CASP4: variants seen among roughly 807,000 people sequenced by gnomAD.
CASP4 encodes caspase 4.
CASP4 carries 29 observed loss-of-function variants against 41.3 expected under a neutral mutation model. The ratio of observed to expected loss-of-function variants is 0.70; its 90% CI spans 0.52 to 0.96. CASP4 has a LOEUF of 0.96. CASP4 is among the 40% of genes least tolerant of loss of function. The probability of loss-of-function intolerance (pLI) is 0.00; values close to 1 mark genes in which losing one functional copy is unlikely to be tolerated. For synonymous variants in CASP4, 185 were observed against 158.4 expected, an observed-to-expected ratio of 1.17 and a Z score of -1.26; for missense variants, 447 against 460.6, an observed-to-expected ratio of 0.97 and a Z score of 0.27.
At position 104,951,996 on chromosome 11, in the gene CASP4, T is replaced by C; in HGVS notation, c.272A>G (p.Asn91Ser). 1.2e-6 allele frequency: 2 copies of C among 1,605,558 alleles called. No homozygotes were observed. The highest frequency in any genetic ancestry group is 1.7e-6 in the Non-Finnish European group (2 of 1,172,998). The stretch of plus-strand genomic sequence containing the variant: ...TGACTCAGGTGGTCCAGCCTCCATA[T>C]TCGGATGAGCTGCAGGATATTGCAG... ...QISPNKKAHP[N>S]MEAGPPESGE... The change falls in exon 3 of 9, where the codon AAT becomes AGT. Residue 91 changes from asparagine (N) to serine (S), a missense_variant. Asn to Ser is a conservative substitution (Grantham distance 46). Transcript: ENST00000444739.
chr11:104,968,025 AAGT>A (rs1176115143), intron 1 of CASP4, among the ~76,000 whole-genome samples: 2 of 152,174 alleles, frequency 1.3e-5, no homozygotes, highest in Non-Finnish European at 2.9e-5. Context: ...TATTATATTA[AAGT>A]AGTCAGTATC....
chr11:104,955,038 C>T, intron 1 of CASP4, 37 bp from the exon 2 acceptor site: 1 of 1,596,190 alleles, frequency 6.3e-7, no homozygotes, highest in Non-Finnish European at 8.5e-7. Context: ...ACTATGGGCA[C>T]AGCTTAAAGA....
At chr11:104,965,128 T>G (rs149570612) in intron 1 of CASP4, among the ~76,000 whole-genome samples, 1,627 of 152,358 alleles carry the variant, frequency 0.011, 10 homozygotes, top group Non-Finnish European at 0.017. Context: ...TCCTAAATTC[T>G]TTGTGGATTA....
chr11:104,950,869 A>ATTAGAAGG, intron 4 of CASP4, 56 bp downstream of exon 4: 1 of 1,535,504 alleles, frequency 6.5e-7, no homozygotes, highest in Non-Finnish European at 8.9e-7. Flanking sequence ...CTAGGTAGTT[A>ATTAGAAGG]TTAGAAGGAT....
At chr11:104,953,094 T>A (rs1032419006) in intron 2 of CASP4, among the ~76,000 whole-genome samples, 1 of 152,150 alleles carries the variant, frequency 6.6e-6, no homozygotes, top group Non-Finnish European at 1.5e-5. Context: ...AGAAATTAGA[T>A]AGAATTTCTA....
chr11:104,954,451 A>C (rs1380158829), intron 2 of CASP4, among the ~76,000 whole-genome samples: 2 of 152,192 alleles, frequency 1.3e-5, no homozygotes, highest in Non-Finnish European at 2.9e-5. Flanking sequence ...AGGATGTCAC[A>C]TAGGTCACAG....
chr11:104,956,488 A>G (rs1484054848), intron 1 of CASP4: 1 of 176,000 alleles, frequency 5.7e-6, no homozygotes, highest in Non-Finnish European at 1.1e-5. Context: ...TAAGTAATTG[A>G]CTCAAATAAT....
rs1298750617 is a variant in CASP4, at chr11:104,948,547, C to A, written c.911G>T (p.Cys304Phe). The part of the protein sequence containing the change: ...THVEKDFIAF[C>F]SSTPHNVSWR... ...AAGATACATACGTGGCGTTGAAGAG[C>A]AGAAAGCAATGAAGTCCTTCTCCAC... Residue 304 changes from cysteine to phenylalanine, a missense_variant, in exon 6 of 9, where the codon TGC becomes TTC. Cys to Phe is a radical substitution (Grantham distance 205, BLOSUM62 -2). Transcript: ENST00000444739. The A allele has an allele frequency of 1.2e-6, 2 of 1,606,340 alleles. No homozygotes were observed. Among genetic ancestry groups the A allele is most frequent in the Admixed American group, 3.4e-5 (2 of 59,680 alleles).
chr11:104,944,605 A>G (rs1860407629), intron 8 of CASP4, 143 bp downstream of exon 8: 1 of 579,768 alleles, frequency 1.7e-6, no homozygotes, highest in Admixed American at 3.1e-5. Context: ...GTCGGAAAGA[A>G]GTAGCAGATA....
At position 104,944,621 on chromosome 11, in the gene CASP4, C is replaced by T. The variant is rs149994015; in HGVS notation, c.*5+127G>A. 2.7e-5 allele frequency: 17 copies of T among 619,134 alleles called. No individual in the cohort carries two copies. In the East Asian group the frequency reaches 4.7e-4, roughly 17 times the overall value. The allele number at this position is 619,134 out of a possible 1,614,324, so 38.4% of individuals were successfully genotyped here. On this transcript the variant is annotated intron_variant, in intron 8 of 8. Coordinates refer to ENST00000444739, the MANE Select transcript of CASP4 (RefSeq NM_001225.4). ...TCGGAAAGAAGTAGCAGATAATCAC[C>T]AGACTATATCAACAAAAACACCAAT...
chr11:104,951,802 A>T, intron 3 of CASP4, 94 bp downstream of exon 3: 1 of 818,030 alleles, frequency 1.2e-6, no homozygotes, highest in African/African-American at 1.7e-5. Flanking sequence ...TGTCATCCCC[A>T]CCCCCAATCA....
rs1860606580 is a variant in CASP4, at chr11:104,951,281, T to G, written c.373-183A>C. The G allele has an allele frequency of 1.3e-5, 6 of 472,664 alleles. No individual in the cohort carries two copies. The East Asian group carries it at 2.0e-4, about 16-fold the overall frequency. The allele number at this position is 472,664 out of a possible 1,614,324, so 29.3% of individuals were successfully genotyped here. On this transcript the variant is annotated intron_variant, in intron 3 of 8. Transcript: ENST00000444739. ...AAGAACCGGACATATCTGAAATTGT[T>G]ATTAAGAATCTTGAGGAAACTAGAT...
chr11:104,958,804 T>C (rs1409768979), intron 1 of CASP4, among the ~76,000 whole-genome samples: 1 of 151,358 alleles, frequency 6.6e-6, no homozygotes, highest in African/African-American at 2.4e-5. Flanking sequence ...CTAGTAAAAA[T>C]ACAAAAATTA....
chr11:104,965,733 C>T (rs895093790), intron 1 of CASP4, among the ~76,000 whole-genome samples: 1 of 152,164 alleles, frequency 6.6e-6, no homozygotes, highest in Non-Finnish European at 1.5e-5. Flanking sequence ...AACAAATTAG[C>T]TACAAGACTA....
rs188516943 is a variant in CASP4 at position 104,964,998 on chromosome 11, C to T, written c.7+3521G>A. ...GCTTATTTTGGTAAACAGATTAGTT[C>T]TATTATAATTTACTTTTAATAAAAA... On this transcript the variant is annotated intron_variant, in intron 1 of 8. Coordinates refer to ENST00000444739, the MANE Select transcript of CASP4 (RefSeq NM_001225.4). 4.7e-3 allele frequency among the ~76,000 whole-genome samples: 717 copies of T among 152,210 alleles called. 3 individuals carry two copies. Among genetic ancestry groups the T allele is most frequent in the Middle Eastern group, 0.01 (3 of 294 alleles).
intron 1 of CASP4, among the ~76,000 whole-genome samples, chr11:104,965,418 T>G (rs915019467): frequency 6.6e-6 from 1 of 152,232 alleles, no homozygotes; most frequent in Non-Finnish European, 1.5e-5. Flanking sequence ...GCCAGAGTGA[T>G]CGACAGCCTT....
rs1393334245 is a variant in CASP4, at chr11:104,951,003, G to A, written c.468C>T (p.Asp156=). 6.2e-7 allele frequency: 1 copy of A among 1,613,450 alleles called. No individual in the cohort carries two copies. Among genetic ancestry groups the A allele is most frequent in the South Asian group, 1.1e-5 (1 of 91,066 alleles). Reference sequence around the variant, plus strand: ...GCTCCTTCATCCCTGTGATGTCAAAGTCAGCTCCATTCCTCGGAGGCAGAT... The same window carrying A: ...GCTCCTTCATCCCTGTGATGTCAAAATCAGCTCCATTCCTCGGAGGCAGAT... ...FDHLPPRNGA[D]FDITGMKELL... The change falls in exon 4 of 9, where the codon GAC becomes GAT. Residue 156 remains aspartate (D), a synonymous_variant. Coordinates refer to ENST00000444739, the MANE Select transcript of CASP4 (RefSeq NM_001225.4).
chr11:104,943,930 G>A (rs1252913911), intron 8 of CASP4: 1 of 152,164 alleles, frequency 6.6e-6, no homozygotes, highest in Non-Finnish European at 1.5e-5. Context: ...ATCTTAGAGG[G>A]AGATTGATAA....
At chr11:104,960,780 T>A (rs928896574) in intron 1 of CASP4, among the ~76,000 whole-genome samples, 2 of 152,172 alleles carry the variant, frequency 1.3e-5, no homozygotes, top group African/African-American at 4.8e-5. Flanking sequence ...CAGCCTTTTT[T>A]TTTATTTTTC....
Sources: allele counts gnomAD v4.1 joint callset (sites outside exome capture counted in the v4.1 genomes callset), GRCh38; gene constraint gnomAD v4.1.1; transcripts MANE v1.5; gene names NCBI Gene and HGNC (gene_info 2026-07-23, HGNC 2026-07-21).